Variants in BCR observed in about 807,000 individuals in gnomAD.
BCR encodes BCR activator of RhoGEF and GTPase.
BCR carries 58 observed loss-of-function variants against 138.6 expected under a neutral mutation model. That is an observed-to-expected ratio of 0.42 (90% CI 0.34 to 0.52). The LOEUF (loss-of-function observed/expected upper bound fraction) is 0.52. Ranked by LOEUF, BCR falls within the 20% of genes least tolerant of loss-of-function variation. BCR has a pLI of 0.06. For missense variants in BCR, 1,599 were observed against 1,727.2 expected (o/e 0.93, Z 1.32); for synonymous variants, 786 against 730.1 (o/e 1.08, Z -1.23).
intron 1 of BCR, among the ~76,000 whole-genome samples, chr22:23,242,182 AC>A (rs1434529323): frequency 6.6e-6 from 1 of 152,260 alleles, no homozygotes; most frequent in Non-Finnish European, 1.5e-5. Context: ...TCGATAAAGA[AC>A]AATAAGTTTG....
intron 20 of BCR, among the ~76,000 whole-genome samples, chr22:23,313,481 C>T (rs572691701): frequency 1.2e-4 from 19 of 152,348 alleles, no homozygotes; most frequent in African/African-American, 4.3e-4. Context: ...GGTCTGCCTC[C>T]CGGGCCCATG....
Position 23,206,798 on chromosome 22 carries a change from A to G in BCR, c.1279+24559A>G, listed in dbSNP as rs994029407. On this transcript the variant is annotated intron_variant, in intron 1 of 22. Transcript: ENST00000305877. ...ATCCAAGCCATCCATCTATCCATCT[A>G]TTCATCATCAATCCAAGATCCAAAC... Among the ~76,000 whole-genome samples, 70 of 150,070 alleles carry G rather than the reference A, an allele frequency of 4.7e-4. 1 individual carries two copies. Among genetic ancestry groups the G allele is most frequent in the African/African-American group, 1.5e-3 (60 of 39,606 alleles).
chr22:23,258,555 C>A (rs1057456341), intron 2 of BCR, among the ~76,000 whole-genome samples: 3 of 152,182 alleles, frequency 2.0e-5, no homozygotes, highest in African/African-American at 7.2e-5. Flanking sequence ...TACCATGAGG[C>A]CTGAGCTGAC....
In BCR at chr22:23,199,253, C is replaced by T. The variant is rs201041341; in HGVS notation, c.1279+17014C>T. 164 of 518,330 alleles carry T rather than the reference C, an allele frequency of 3.2e-4. 1 individual carries two copies. Among genetic ancestry groups the T allele is most frequent in the Non-Finnish European group, 4.6e-4 (120 of 259,568 alleles). The allele number at this position is 518,330 out of a possible 1,614,324, so 32.1% of individuals were successfully genotyped here. A position where few individuals can be genotyped will look rare whatever the true frequency, so the allele number is the denominator to read the frequency against. On this transcript the variant is annotated intron_variant, in intron 1 of 22. Transcript: ENST00000305877. ...TGGCTCCAGAAGACTCTTCTCTTCT[C>T]TGTGCAAGAGCCAGGAAGGCTCTAG...
At chr22:23,207,956 A>G (rs2072637421) in intron 1 of BCR, among the ~76,000 whole-genome samples, 1 of 152,184 alleles carries the variant, frequency 6.6e-6, no homozygotes, top group Non-Finnish European at 1.5e-5. Context: ...CCCCATACAC[A>G]CAGCTGGACA....
At chr22:23,273,188 C>G (rs997284854) in intron 7 of BCR, 55 bp downstream of exon 7, 23 of 1,566,308 alleles carry the variant, frequency 1.5e-5, no homozygotes, top group Non-Finnish European at 1.6e-5. Context: ...CGGGCACACA[C>G]AGCAACAATG....
intron 8 of BCR, among the ~76,000 whole-genome samples, chr22:23,281,999 C>T (rs917961648): frequency 1.4e-4 from 21 of 152,228 alleles, no homozygotes; most frequent in Admixed American, 7.8e-4. Context: ...ATGGGGTGCC[C>T]TCTGCTGGTG....
intron 8 of BCR, among the ~76,000 whole-genome samples, chr22:23,278,606 A>G (rs2073606339): frequency 6.6e-6 from 1 of 152,186 alleles, no homozygotes; most frequent in African/African-American, 2.4e-5. Context: ...AGGTGCCTAT[A>G]ATCCCAGCTA....
intron 2 of BCR, among the ~76,000 whole-genome samples, chr22:23,258,426 G>A (rs913781718): frequency 2.0e-5 from 3 of 152,196 alleles, no homozygotes; most frequent in African/African-American, 7.2e-5. Context: ...TGGGCACTTC[G>A]TGTTGAACCT....
At chr22:23,241,914 C>T (rs971432586) in intron 1 of BCR, among the ~76,000 whole-genome samples, 16 of 152,100 alleles carry the variant, frequency 1.1e-4, no homozygotes, top group African/African-American at 3.9e-4. Flanking sequence ...CCTGAGGCTC[C>T]CCACAAAATC....
At chr22:23,286,916 C>T (rs532987398) in intron 10 of BCR, among the ~76,000 whole-genome samples, 1 of 152,290 alleles carries the variant, frequency 6.6e-6, no homozygotes, top group Non-Finnish European at 1.5e-5. Flanking sequence ...CTTAATTCCT[C>T]CAAAAAAGGT....
chr22:23,191,456 A>G (rs1225731143), intron 1 of BCR, among the ~76,000 whole-genome samples: 1 of 152,018 alleles, frequency 6.6e-6, no homozygotes, highest in African/African-American at 2.4e-5. Context: ...CTTTAAAACA[A>G]CAACAAACAA....
intron 8 of BCR, among the ~76,000 whole-genome samples, chr22:23,275,025 G>A (rs2073559087): frequency 6.6e-6 from 1 of 152,146 alleles, no homozygotes; most frequent in African/African-American, 2.4e-5. Context: ...CCCCAGGGTG[G>A]ACCTGCCCAA....
chr22:23,270,104 G>A (rs2073493220), intron 5 of BCR, among the ~76,000 whole-genome samples: 1 of 152,192 alleles, frequency 6.6e-6, no homozygotes, highest in African/African-American at 2.4e-5. Context: ...CCCAAAGAAA[G>A]CAGAGTCAAA....
intron 8 of BCR, among the ~76,000 whole-genome samples, chr22:23,279,103 T>G (rs138327248): frequency 6.6e-6 from 1 of 152,316 alleles, no homozygotes; most frequent in East Asian, 1.9e-4. Context: ...ATGTTTTACG[T>G]CATGCTCTTT....
At chr22:23,294,083 T>C (rs1166263015) in intron 15 of BCR, among the ~76,000 whole-genome samples, 1 of 152,218 alleles carries the variant, frequency 6.6e-6, no homozygotes, top group East Asian at 1.9e-4. Context: ...ATAATTCATT[T>C]TTTAAAGAGC....
Position 23,303,129 on chromosome 22 carries a change from C to CTA in BCR, c.3013-6284_3013-6283dup, listed in dbSNP as rs534056515. The stretch of plus-strand genomic sequence containing the variant: ...TTGCTTTGTGCCAATATGTATTTTA[C>CTA]TATATATATATAAACTCTAGATCCA... On this transcript the variant is annotated intron_variant, in intron 16 of 22. Transcript: ENST00000305877. Among the ~76,000 whole-genome samples, 607 of 151,816 alleles carry CTA rather than the reference C, an allele frequency of 4.0e-3. 1 individual carries two copies. The highest frequency in any genetic ancestry group is 6.8e-3 in the Middle Eastern group (2 of 294).
chr22:23,207,955 C>T (rs2072637391), intron 1 of BCR, among the ~76,000 whole-genome samples: 1 of 152,212 alleles, frequency 6.6e-6, no homozygotes, highest in South Asian at 2.1e-4. Flanking sequence ...ACCCCATACA[C>T]ACAGCTGGAC....
chr22:23,182,196 G>C lies in BCR; in HGVS notation c.1236G>C (p.Gln412His), dbSNP rs1259617363. ...TCGTGGGCGTCCGCAAGACCGGGCA[G>C]ATCTGGCCCAACGATGGCGAGGGCG... ...ATIVGVRKTG[Q>H]IWPNDGEGAF... The change falls in exon 1 of 23, where the codon CAG becomes CAC. Residue 412 changes from glutamine to histidine, a missense_variant. By Grantham distance (24) the Gln-to-His change is conservative (BLOSUM62 0). Around this residue, in one of 4 missense-constraint regions of BCR, gnomAD observed 806 missense variants for 635.0 expected, o/e 1.27. Transcript: ENST00000305877. 6.3e-7 allele frequency: 1 copy of C among 1,593,482 alleles called. No individual in the cohort carries two copies. The highest frequency in any genetic ancestry group is 1.3e-5 in the African/African-American group (1 of 74,888).
Sources: gnomAD v4.1 joint callset for allele counts (sites outside exome capture counted in the v4.1 genomes callset) on GRCh38, gnomAD v4.1.1 for gene constraint, gnomAD v4.1.1 regional missense constraint, MANE v1.5 for transcripts, NCBI Gene and HGNC (gene_info 2026-07-23, HGNC 2026-07-21) for gene names.